Variants in CAMK2G observed in about 807,000 individuals in gnomAD.
The protein encoded by CAMK2G is calcium/calmodulin-dependent protein kinase type II subunit gamma.
Under a neutral mutation model 88.7 loss-of-function variants are expected in CAMK2G, and 23 were observed. That is an observed-to-expected ratio of 0.26 (90% CI 0.19 to 0.37). The LOEUF (loss-of-function observed/expected upper bound fraction) is 0.37. Ranked by LOEUF, CAMK2G falls within the 10% of genes least tolerant of loss-of-function variation. The probability of loss-of-function intolerance (pLI) is 1.00; values close to 1 mark genes in which losing one functional copy is unlikely to be tolerated. For synonymous variants in CAMK2G, 263 were observed against 294.8 expected (o/e 0.89, Z 1.11); for missense variants, 476 against 780.8 (o/e 0.61, Z 4.65).
chr10:73,819,483 A>T, intron 19 of CAMK2G, 49 bp downstream of exon 19: 1 of 1,349,332 alleles, frequency 7.4e-7, no homozygotes, highest in Non-Finnish European at 1.0e-6. Flanking sequence ...GAGGGGCTTC[A>T]GGACGAGCCA....
At chr10:73,852,884 G>T (rs532074521) in intron 4 of CAMK2G, 3 of 384,062 alleles carry the variant, frequency 7.8e-6, no homozygotes, top group Non-Finnish European at 1.4e-5. Flanking sequence ...CATGCAAAGA[G>T]CTGTCTTTTA....
At chr10:73,831,866 C>CA (rs957427855) in intron 14 of CAMK2G, among the ~76,000 whole-genome samples, 16 of 148,914 alleles carry the variant, frequency 1.1e-4, no homozygotes, top group South Asian at 2.1e-4. Context: ...TCTCAAAAAA[C>CA]AAAAAAAAAG....
intron 10 of CAMK2G, among the ~76,000 whole-genome samples, chr10:73,844,516 T>G (rs1373285348): frequency 6.6e-6 from 1 of 152,196 alleles, no homozygotes; most frequent in African/African-American, 2.4e-5. Context: ...CTAGTGATTC[T>G]CATGCCTCAG....
chr10:73,829,700 G>GGGGTGTGTGT (rs1265867895), intron 14 of CAMK2G, among the ~76,000 whole-genome samples: 2 of 138,370 alleles, frequency 1.4e-5, no homozygotes, highest in African/African-American at 5.4e-5. Context: ...TAAGTAGTGG[G>GGGGTGTGTGT]GTGTGTGTGT....
rs199893895 is a variant in CAMK2G, at chr10:73,821,711, T to A, written c.1220A>T (p.Asn407Ile). 1 of 1,611,890 alleles carries A rather than the reference T, an allele frequency of 6.2e-7. No individual in the cohort carries two copies. The highest frequency in any genetic ancestry group is 2.2e-5 in the East Asian group (1 of 44,876). Residue 407 changes from asparagine (N) to isoleucine (I), a missense_variant, in exon 18 of 23, where the codon AAC becomes ATC. Coordinates refer to ENST00000423381, the MANE Select transcript of CAMK2G (RefSeq NM_001367534.1). ...DGIKGSTESC[N>I]TTTEDEDLKA... ...GAGGTCCTCATCTTCTGTGGTGGTG[T>A]TGCAGCTCTCTGTGGAGCCCTGTAG...
chr10:73,857,370 G>C (rs888682406), intron 3 of CAMK2G, among the ~76,000 whole-genome samples: 1 of 152,158 alleles, frequency 6.6e-6, no homozygotes, highest in Non-Finnish European at 1.5e-5. Flanking sequence ...GGCAGGCATA[G>C]AGGAGTTAAA....
chr10:73,820,464 T>TATA (rs2087623930), intron 18 of CAMK2G, among the ~76,000 whole-genome samples: 3 of 74,086 alleles, frequency 4.0e-5, no homozygotes, highest in South Asian at 5.4e-4. Flanking sequence ...GGTTTTATAT[T>TATA]TATATATATA....
chr10:73,820,486 ATATATATTT>A lies in CAMK2G; in HGVS notation c.1250-850_1250-842del, dbSNP rs1198036349. 3.5e-3 allele frequency among the ~76,000 whole-genome samples: 180 copies of A among 51,872 alleles called. 1 individual carries two copies. The highest frequency in any genetic ancestry group is 9.6e-3 in the Middle Eastern group (1 of 104). 34.0% of individuals were successfully genotyped at this position (51,872 alleles called of 152,430 possible). ...TATTTATATATATATATATATATAT[ATATATATTT>A]TTTTTTTTTTTTTTTTCTTGAGACA... On this transcript the variant is annotated intron_variant, in intron 18 of 22. Transcript: ENST00000423381.
intron 1 of CAMK2G, among the ~76,000 whole-genome samples, chr10:73,873,826 G>A (rs1336994197): frequency 1.5e-5 from 2 of 136,460 alleles, no homozygotes; most frequent in African/African-American, 2.8e-5. Context: ...GCGGAGGGGA[G>A]GGGGATGCTG....
intron 10 of CAMK2G, among the ~76,000 whole-genome samples, chr10:73,845,549 C>A (rs2094171393): frequency 1.3e-5 from 2 of 151,166 alleles, no homozygotes; most frequent in Non-Finnish European, 2.9e-5. Flanking sequence ...TGCACTCCAG[C>A]CTGGGCGACA....
At position 73,815,377 on chromosome 10, in the gene CAMK2G, C is replaced by CG. The variant is rs907156891; in HGVS notation, c.1535-131_1535-130insC. The CG allele has an allele frequency of 1.4e-5, 9 of 652,894 alleles. No individual in the cohort carries two copies. In the African/African-American group the frequency reaches 1.5e-4, roughly 11 times the overall value. The allele number at this position is 652,894 out of a possible 1,614,324, so 40.4% of individuals were successfully genotyped here. A position where few individuals can be genotyped will look rare whatever the true frequency, so the allele number is the denominator to read the frequency against. The stretch of plus-strand genomic sequence containing the variant: ...CAGAATCTCCAAGTACCGCCCCCCC[C>CG]CACCCCCGAACCCCTGAACGCCCTC... On this transcript the variant is annotated intron_variant, in intron 21 of 22. Coordinates refer to ENST00000423381, the MANE Select transcript of CAMK2G (RefSeq NM_001367534.1).
rs574663899 is a variant in CAMK2G, at chr10:73,853,243, C to T, written c.224G>A (p.Arg75His). 15 of 1,613,720 alleles carry T rather than the reference C, an allele frequency of 9.3e-6. No individual in the cohort carries two copies. The highest frequency in any genetic ancestry group is 6.6e-5 in the South Asian group (6 of 91,080). The change falls in exon 4 of 23, where the codon CGC becomes CAC. Residue 75 changes from arginine to histidine, a missense_variant. Physicochemically the swap from Arg to His is conservative, Grantham distance 29 (BLOSUM62 0). This residue lies in a region of CAMK2G where 164 missense variants were observed against 385.6 expected (regional missense o/e 0.43). Transcript: ENST00000423381. ...TTCTTCAGAAATACTGTCATGGAGGCGCACTGCAAGAGAGGAGATGGGGAC... is the reference window on the plus strand; with the variant it reads ...TTCTTCAGAAATACTGTCATGGAGGTGCACTGCAAGAGAGGAGATGGGGAC... ...CRLLKHPNIV[R>H]LHDSISEEGF... is the part of the protein sequence containing the mutation.
intron 19 of CAMK2G, 76 bp downstream of exon 19, chr10:73,819,456 C>G (rs1192899203): frequency 9.9e-7 from 1 of 1,009,158 alleles, no homozygotes; most frequent in African/African-American, 1.6e-5. Context: ...GGACTGACAG[C>G]TGTGGTGGGG....
intron 15 of CAMK2G, among the ~76,000 whole-genome samples, chr10:73,826,528 T>C (rs1401829846): frequency 1.3e-5 from 2 of 152,110 alleles, no homozygotes; most frequent in African/African-American, 4.8e-5. Context: ...AGAAGGCTGA[T>C]CTCCAGGGCA....
In CAMK2G at chr10:73,841,204, C is replaced by T. The variant is rs372526068; in HGVS notation, c.946+965G>A. Among the ~76,000 whole-genome samples the T allele has an allele frequency of 7.2e-5, 11 of 152,296 alleles. No individual in the cohort carries two copies. The East Asian group carries it at 7.7e-4, about 11-fold the overall frequency. On this transcript the variant is annotated intron_variant, in intron 12 of 22. Coordinates refer to ENST00000423381, the MANE Select transcript of CAMK2G (RefSeq NM_001367534.1). Reference sequence around the variant, plus strand: ...GCCAGCGCAGGCGAGCCCAGCAGGACGGGTATTCAGAAGTGGCTCCCACTG... The same window carrying T: ...GCCAGCGCAGGCGAGCCCAGCAGGATGGGTATTCAGAAGTGGCTCCCACTG...
intron 14 of CAMK2G, 86 bp downstream of exon 14, chr10:73,837,382 G>T: frequency 9.6e-7 from 1 of 1,041,112 alleles, no homozygotes; most frequent in Non-Finnish European, 1.5e-6. Flanking sequence ...AAGATTCCCT[G>T]GGAAAGGGGG....
chr10:73,870,372 T>C (rs1016513630), intron 2 of CAMK2G, among the ~76,000 whole-genome samples: 1 of 152,146 alleles, frequency 6.6e-6, no homozygotes, highest in Non-Finnish European at 1.5e-5. Context: ...ACAAAGACAG[T>C]GCTCAACGCA....
At chr10:73,862,670 C>A (rs994426773) in intron 2 of CAMK2G, among the ~76,000 whole-genome samples, 1 of 152,184 alleles carries the variant, frequency 6.6e-6, no homozygotes, top group Admixed American at 6.5e-5. Flanking sequence ...GAGCCTAGAG[C>A]CCTCTTTCTC....
chr10:73,862,717 A>G (rs2095434523), intron 2 of CAMK2G, among the ~76,000 whole-genome samples: 1 of 152,224 alleles, frequency 6.6e-6, no homozygotes, highest in Non-Finnish European at 1.5e-5. Context: ...AAGAATGGTG[A>G]GAGTTGAGTT....
Sources: gnomAD v4.1 joint callset for allele counts (sites outside exome capture counted in the v4.1 genomes callset) on GRCh38, gnomAD v4.1.1 for gene constraint, gnomAD v4.1.1 regional missense constraint, MANE v1.5 for transcripts, NCBI Gene and HGNC (gene_info 2026-07-23, HGNC 2026-07-21) for gene names.